The following PRKD1 variants were observed in gnomAD, a reference collection of about 807,000 sequenced individuals.
PRKD1 encodes serine/threonine-protein kinase D1.
A neutral mutation model predicts 95.9 loss-of-function variants in PRKD1; 63 were observed. The ratio of observed to expected loss-of-function variants is 0.66; its 90% CI spans 0.54 to 0.81. The LOEUF is 0.81. PRKD1 is among the 30% of genes least tolerant of loss of function. The pLI is 0.00. For synonymous variants in PRKD1, 425 were observed against 423.1 expected, an observed-to-expected ratio of 1.00 and a Z score of -0.05; for missense variants, 1,048 against 1,165.3, an observed-to-expected ratio of 0.90 and a Z score of 1.47.
At chr14:29,676,177 G>GGTTTTTTTTTTTTTTTTTTTTTTTTTTTT (rs1555334424) in intron 2 of PRKD1, among the ~76,000 whole-genome samples, 1 of 104,762 alleles carries the variant, frequency 9.5e-6, no homozygotes, top group African/African-American at 4.2e-5. Context: ...AGTTCATTAC[G>GGTTTTTTTTTTTTTTTTTTTTTTTTTTTT]TTTTTGTTTT....
chr14:29,630,214 A>G (rs549684928), intron 10 of PRKD1, among the ~76,000 whole-genome samples: 1 of 152,012 alleles, frequency 6.6e-6, no homozygotes, highest in African/African-American at 2.4e-5. Flanking sequence ...ATCTTGGCTC[A>G]CTGCAACCTA....
intron 13 of PRKD1, among the ~76,000 whole-genome samples, chr14:29,618,738 T>C (rs1434621476): frequency 2.0e-5 from 3 of 151,210 alleles, no homozygotes; most frequent in African/African-American, 7.3e-5. Flanking sequence ...TTAAATCAGA[T>C]CTTGGAAAGC....
At chr14:29,846,696 GA>G (rs1425895680) in intron 1 of PRKD1, among the ~76,000 whole-genome samples, 2 of 152,178 alleles carry the variant, frequency 1.3e-5, no homozygotes, top group African/African-American at 4.8e-5. Flanking sequence ...CTGCTGAGTA[GA>G]AAAGAATCAT....
At chr14:29,677,477 A>G (rs1323913080) in intron 2 of PRKD1, among the ~76,000 whole-genome samples, 1 of 152,098 alleles carries the variant, frequency 6.6e-6, no homozygotes, top group East Asian at 1.9e-4. Context: ...CTTCTCCAAT[A>G]TTTCTACTTC....
chr14:29,852,587 A>T (rs1892350234), intron 1 of PRKD1, among the ~76,000 whole-genome samples: 1 of 152,082 alleles, frequency 6.6e-6, no homozygotes. Context: ...TTAAGAAATA[A>T]TGGATGAAAA....
intron 2 of PRKD1, among the ~76,000 whole-genome samples, chr14:29,674,043 C>T (rs1388412498): frequency 6.6e-6 from 1 of 152,014 alleles, no homozygotes; most frequent in African/African-American, 2.4e-5. Flanking sequence ...TAGTATAGTC[C>T]TTGGCATACC....
At chr14:29,828,803 A>C (rs1345073699) in intron 1 of PRKD1, among the ~76,000 whole-genome samples, 2 of 152,158 alleles carry the variant, frequency 1.3e-5, no homozygotes, top group African/African-American at 2.4e-5. Context: ...AATGGCCACA[A>C]ACTTTTTGAC....
intron 4 of PRKD1, among the ~76,000 whole-genome samples, chr14:29,662,486 C>G (rs1393220885): frequency 3.9e-5 from 6 of 152,074 alleles, no homozygotes; most frequent in Non-Finnish European, 8.8e-5. Context: ...ATATGTTCTT[C>G]TAGTTATTGG....
intron 2 of PRKD1, among the ~76,000 whole-genome samples, chr14:29,671,833 TAAG>T (rs1271644570): frequency 1.3e-5 from 2 of 152,074 alleles, no homozygotes; most frequent in African/African-American, 4.8e-5. Flanking sequence ...CATATTCTAA[TAAG>T]AATAGAAAAA....
intron 1 of PRKD1, among the ~76,000 whole-genome samples, chr14:29,909,496 G>A (rs1193779511): frequency 6.6e-6 from 1 of 152,206 alleles, no homozygotes; most frequent in African/African-American, 2.4e-5. Context: ...GGGACTCGGA[G>A]AACCTTTATG....
chr14:29,771,117 T>C (rs1888488388), intron 1 of PRKD1, among the ~76,000 whole-genome samples: 1 of 151,994 alleles, frequency 6.6e-6, no homozygotes, highest in Admixed American at 6.6e-5. Context: ...ATTTGGAAAA[T>C]TCTCAGCCTT....
chr14:29,612,819 GCGGGCA>G (rs1878565130), intron 13 of PRKD1, among the ~76,000 whole-genome samples: 1 of 152,046 alleles, frequency 6.6e-6, no homozygotes, highest in South Asian at 2.1e-4. Context: ...TTCATGTAGG[GCGGGCA>G]CGGTGGCTCA....
intron 1 of PRKD1, among the ~76,000 whole-genome samples, chr14:29,732,484 A>AT (rs1162286990): frequency 6.6e-6 from 1 of 152,102 alleles, no homozygotes; most frequent in African/African-American, 2.4e-5. Context: ...ATAGAATGGT[A>AT]TTTTTTGCTT....
At position 29,869,187 on chromosome 14, in the gene PRKD1, A is replaced by C. The variant is rs778033857; in HGVS notation, c.264+58062T>G. ...GCTGGGTGTGGTGGCTCATGCCTGT[A>C]ATCCCAGCACTTTGGGAGGCCGAGG... On this transcript the variant is annotated intron_variant, in intron 1 of 17. Coordinates refer to ENST00000331968, the MANE Select transcript of PRKD1 (RefSeq NM_002742.3). 2.0e-5 allele frequency among the ~76,000 whole-genome samples: 3 copies of C among 152,306 alleles called. No individual in the cohort carries two copies. In the East Asian group the frequency reaches 5.8e-4, roughly 29 times the overall value.
rs10140501 is a variant in PRKD1, at chr14:29,587,321, T to C, written c.2435-8961A>G. On this transcript the variant is annotated intron_variant, in intron 16 of 17. Transcript: ENST00000331968. ...GCCGTACAGGGGTTAGATAAGATTT[T>C]TAACATCCTGTATTTTGAAGTATTA... 4.3e-3 allele frequency among the ~76,000 whole-genome samples: 662 copies of C among 152,314 alleles called. 4 individuals are homozygous for C. The highest frequency in any genetic ancestry group is 0.014 in the African/African-American group (596 of 41,590).
intron 1 of PRKD1, among the ~76,000 whole-genome samples, chr14:29,726,517 T>C (rs1886153486): frequency 6.6e-6 from 1 of 152,190 alleles, no homozygotes; most frequent in African/African-American, 2.4e-5. Flanking sequence ...CTGGAACTGA[T>C]GACAGATCTG....
intron 1 of PRKD1, among the ~76,000 whole-genome samples, chr14:29,918,034 G>T (rs897581513): frequency 4.6e-5 from 7 of 151,854 alleles, no homozygotes; most frequent in African/African-American, 1.2e-4. Flanking sequence ...TGTCACCCAG[G>T]TACTAAGCCT....
intron 13 of PRKD1, among the ~76,000 whole-genome samples, chr14:29,622,367 CCCTTCCTT>C (rs10522763): frequency 1.4e-5 from 2 of 144,866 alleles, no homozygotes; most frequent in East Asian, 2.0e-4. Flanking sequence ...GTATTTTTCT[CCCTTCCTT>C]CCTTCCTTCC....
chr14:29,755,217 T>C, intron 1 of PRKD1, among the ~76,000 whole-genome samples: 1 of 152,194 alleles, frequency 6.6e-6, no homozygotes, highest in East Asian at 1.9e-4. Context: ...CATCTGCAAA[T>C]AATTAGAGGC....
Sources: gnomAD v4.1 joint callset for allele counts (sites outside exome capture counted in the v4.1 genomes callset) on GRCh38, gnomAD v4.1.1 for gene constraint, MANE v1.5 for transcripts, NCBI Gene and HGNC (gene_info 2026-07-23, HGNC 2026-07-21) for gene names.